Variants in MYO3B observed in about 807,000 individuals in gnomAD.
MYO3B encodes the protein myosin IIIB.
Under a neutral mutation model 174.6 loss-of-function variants are expected in MYO3B, and 156 were observed. That is an observed-to-expected ratio of 0.89 (90% confidence interval 0.78 to 1.02). MYO3B has a LOEUF of 1.02. Among genes scored for constraint, MYO3B ranks in the 50% least tolerant of loss-of-function variants. The pLI is 0.00. For synonymous variants in MYO3B, 563 were observed against 569.1 expected, an observed-to-expected ratio of 0.99 and a Z score of 0.15; for missense variants, 1,632 against 1,639.4, an observed-to-expected ratio of 1.00 and a Z score of 0.08.
chr2:170,401,829 GTC>G, intron 18 of MYO3B, 138 bp downstream of exon 18: 1 of 764,294 alleles, frequency 1.3e-6, no homozygotes, highest in African/African-American at 1.9e-5. Context: ...TGGAGTCAGA[GTC>G]TCACGCTGTT....
intron 7 of MYO3B, among the ~76,000 whole-genome samples, chr2:170,241,905 CT>C (rs1476070991): frequency 2.6e-5 from 4 of 152,290 alleles, no homozygotes; most frequent in East Asian, 1.9e-4. Flanking sequence ...GCAGTAGTCT[CT>C]GCCTGCTCCT....
chr2:170,410,608 A>G (rs1457799274), intron 22 of MYO3B, among the ~76,000 whole-genome samples: 1 of 150,440 alleles, frequency 6.6e-6, no homozygotes, highest in Non-Finnish European at 1.5e-5. Context: ...AAAAAAAAAA[A>G]AAACTTGGGA....
intron 32 of MYO3B, among the ~76,000 whole-genome samples, chr2:170,628,234 G>C (rs1160001319): frequency 6.6e-6 from 1 of 152,222 alleles, no homozygotes; most frequent in African/African-American, 2.4e-5. Context: ...ACCTACTCAA[G>C]CCTCAGCAGT....
At chr2:170,450,168 C>T (rs1298258449) in intron 23 of MYO3B, among the ~76,000 whole-genome samples, 1 of 152,186 alleles carries the variant, frequency 6.6e-6, no homozygotes. Flanking sequence ...TTTTGGAACA[C>T]ATACAAATAA....
At chr2:170,479,959 G>A (rs944445215) in intron 25 of MYO3B, among the ~76,000 whole-genome samples, 5 of 147,380 alleles carry the variant, frequency 3.4e-5, no homozygotes, top group Non-Finnish European at 7.4e-5. Flanking sequence ...CCATATATGT[G>A]TATATATGTA....
chr2:170,506,735 A>G (rs1325184776), intron 28 of MYO3B, among the ~76,000 whole-genome samples: 3 of 152,238 alleles, frequency 2.0e-5, no homozygotes, highest in Admixed American at 6.5e-5. Context: ...AGCCAAGTGT[A>G]TGCATTGAAA....
chr2:170,288,780 T>A (rs1363259060), intron 7 of MYO3B, among the ~76,000 whole-genome samples: 1 of 152,134 alleles, frequency 6.6e-6, no homozygotes, highest in Non-Finnish European at 1.5e-5. Context: ...AAAGTGGGCA[T>A]CCTTGTCTTG....
At chr2:170,462,206 A>T (rs1684336985) in intron 23 of MYO3B, among the ~76,000 whole-genome samples, 2 of 152,236 alleles carry the variant, frequency 1.3e-5, no homozygotes, top group African/African-American at 4.8e-5. Flanking sequence ...TTTCAGCTGC[A>T]TGTGAATGGA....
At chr2:170,482,975 T>G (rs561636342) in intron 25 of MYO3B, among the ~76,000 whole-genome samples, 2 of 152,398 alleles carry the variant, frequency 1.3e-5, no homozygotes, top group South Asian at 4.1e-4. Context: ...CTAATTGTTT[T>G]AAGCCCTGCC....
chr2:170,208,645 A>G (rs1351790042), intron 3 of MYO3B, among the ~76,000 whole-genome samples: 1 of 152,244 alleles, frequency 6.6e-6, no homozygotes, highest in Non-Finnish European at 1.5e-5. Context: ...GCAAAAACTT[A>G]AAAACAACTA....
chr2:170,367,572 G>A (rs1366496498), intron 8 of MYO3B, among the ~76,000 whole-genome samples: 1 of 152,098 alleles, frequency 6.6e-6, no homozygotes, highest in African/African-American at 2.4e-5. Context: ...CTAATGCTAG[G>A]AGGACTGGGC....
intron 30 of MYO3B, among the ~76,000 whole-genome samples, chr2:170,529,953 G>A (rs1369377700): frequency 6.6e-6 from 1 of 152,162 alleles, no homozygotes; most frequent in Non-Finnish European, 1.5e-5. Flanking sequence ...TATATTTTGT[G>A]AATTAAATAG....
intron 3 of MYO3B, among the ~76,000 whole-genome samples, chr2:170,212,694 T>A (rs1355342155): frequency 6.6e-6 from 1 of 152,134 alleles, no homozygotes. Context: ...GCCCTCTACC[T>A]CACCGATTGA....
chr2:170,267,477 T>C (rs1249787617), intron 7 of MYO3B, among the ~76,000 whole-genome samples: 1 of 152,220 alleles, frequency 6.6e-6, no homozygotes, highest in Non-Finnish European at 1.5e-5. Flanking sequence ...TCACACATAA[T>C]GTATTATTCT....
At chr2:170,420,124 G>A (rs1253984531) in intron 22 of MYO3B, among the ~76,000 whole-genome samples, 1 of 152,112 alleles carries the variant, frequency 6.6e-6, no homozygotes, top group South Asian at 2.1e-4. Flanking sequence ...GGATGCGGAG[G>A]TGGCAGTGAG....
intron 8 of MYO3B, among the ~76,000 whole-genome samples, chr2:170,363,892 T>A (rs1051182725): frequency 1.3e-5 from 2 of 152,152 alleles, no homozygotes; most frequent in Non-Finnish European, 2.9e-5. Context: ...CCTAATTTTT[T>A]AAAAAAGATT....
chr2:170,235,728 C>T (rs2093062464), intron 6 of MYO3B, among the ~76,000 whole-genome samples: 1 of 152,120 alleles, frequency 6.6e-6, no homozygotes, highest in East Asian at 1.9e-4. Context: ...CGCTTCCTCC[C>T]CTTGCACTGT....
At chr2:170,609,232 T>G (rs73976203) in intron 32 of MYO3B, among the ~76,000 whole-genome samples, 9,103 of 152,266 alleles carry the variant, frequency 0.06, 880 homozygotes, top group African/African-American at 0.2. Context: ...ACTGGCATAC[T>G]TAGCTTGTTT....
chr2:170,238,554 T>C (rs2093096801), intron 7 of MYO3B, among the ~76,000 whole-genome samples: 1 of 152,252 alleles, frequency 6.6e-6, no homozygotes, highest in Admixed American at 6.5e-5. Context: ...TCCAGAATAC[T>C]GCGTGTGGCT....
Sources: gnomAD v4.1 joint callset for allele counts (sites outside exome capture counted in the v4.1 genomes callset) on GRCh38, gnomAD v4.1.1 for gene constraint, MANE v1.5 for transcripts, NCBI Gene and HGNC (gene_info 2026-07-23, HGNC 2026-07-21) for gene names.